The following SPRED2 variants were observed in gnomAD, a reference collection of about 807,000 sequenced individuals.
SPRED2 encodes sprouty-related, EVH1 domain-containing protein 2.
A neutral mutation model predicts 43.0 loss-of-function variants in SPRED2; 47 were observed. The ratio of observed to expected loss-of-function variants is 1.09; its 90% CI spans 0.87 to 1.40. The LOEUF is 1.40. SPRED2 is among the 40% of genes most tolerant of loss of function. The probability of loss-of-function intolerance (pLI) is 0.00; values close to 1 mark genes in which losing one functional copy is unlikely to be tolerated. For synonymous variants in SPRED2, 225 were observed against 225.7 expected (o/e 1.00, Z 0.03); for missense variants, 561 against 586.4 (o/e 0.96, Z 0.45).
intron 1 of SPRED2, among the ~76,000 whole-genome samples, chr2:65,361,800 A>C (rs992587383): frequency 6.6e-6 from 1 of 152,220 alleles, no homozygotes; most frequent in Non-Finnish European, 1.5e-5. Flanking sequence ...GCCCACCCAC[A>C]GACACTAATT....
At chr2:65,375,576 G>A (rs542507884) in intron 1 of SPRED2, among the ~76,000 whole-genome samples, 24 of 152,194 alleles carry the variant, frequency 1.6e-4, no homozygotes, top group Non-Finnish European at 2.6e-4. Context: ...TGGCTAAGAC[G>A]AAACAGTAGG....
At chr2:65,408,135 C>T (rs1558688053) in intron 1 of SPRED2, among the ~76,000 whole-genome samples, 2 of 152,172 alleles carry the variant, frequency 1.3e-5, no homozygotes, top group African/African-American at 4.8e-5. Flanking sequence ...GAGCAAGATC[C>T]TTCCCTTCTG....
At chr2:65,377,469 C>T (rs1675268605) in intron 1 of SPRED2, 6 of 403,208 alleles carry the variant, frequency 1.5e-5, no homozygotes, top group East Asian at 7.3e-5. Flanking sequence ...CTCTTGCCGA[C>T]CCCCCAAAGC....
At chr2:65,367,090 C>T (rs1049866172) in intron 1 of SPRED2, among the ~76,000 whole-genome samples, 8 of 152,306 alleles carry the variant, frequency 5.3e-5, no homozygotes, top group African/African-American at 1.9e-4. Flanking sequence ...GGATCCCTCT[C>T]TTTAAAGTTA....
chr2:65,360,112 A>AAAAAAAAAC (rs1674770133), intron 1 of SPRED2, among the ~76,000 whole-genome samples: 1 of 146,694 alleles, frequency 6.8e-6, no homozygotes, highest in African/African-American at 2.6e-5. Context: ...AAAAAAAAAA[A>AAAAAAAAAC]AACAAAGACC....
chr2:65,319,062 C>T (rs887346928), intron 4 of SPRED2, among the ~76,000 whole-genome samples: 2 of 152,178 alleles, frequency 1.3e-5, no homozygotes, highest in Non-Finnish European at 2.9e-5. Context: ...TAAAGTAGTA[C>T]ATACTTAGAA....
intron 1 of SPRED2, among the ~76,000 whole-genome samples, chr2:65,415,420 C>T (rs1005544495): frequency 3.3e-5 from 5 of 150,528 alleles, no homozygotes; most frequent in Non-Finnish European, 7.4e-5. Context: ...TAAATTCAAG[C>T]AAATACCAAT....
chr2:65,326,387 C>T (rs908743897), intron 4 of SPRED2, among the ~76,000 whole-genome samples: 5 of 152,168 alleles, frequency 3.3e-5, no homozygotes, highest in African/African-American at 1.2e-4. Context: ...AGTCGTCTGC[C>T]ATTTTGTCAA....
At chr2:65,366,565 G>C (rs1572873805) in intron 1 of SPRED2, 3 of 1,548,416 alleles carry the variant, frequency 1.9e-6, no homozygotes, top group Admixed American at 2.0e-5. Flanking sequence ...AAAAAATAAA[G>C]TTCATGTAAA....
rs80018046 is a variant in SPRED2 at position 65,333,781 on chromosome 2, T to C, written c.373+824A>G. On this transcript the variant is annotated intron_variant, in intron 3 of 5. Transcript: ENST00000356388. ...TTATAATGTTAAGTAATTTGTCTTT[T>C]AAGACTTGCTTTTTTTCCTCTTCCC... 4.5e-4 allele frequency among the ~76,000 whole-genome samples: 69 copies of C among 152,368 alleles called. 1 individual carries two copies. In the East Asian group the frequency reaches 0.012, roughly 26 times the overall value.
downstream of SPRED2, among the ~76,000 whole-genome samples, chr2:65,308,760 C>CA (rs1357186137): frequency 6.6e-5 from 10 of 152,326 alleles, no homozygotes; most frequent in African/African-American, 2.2e-4. Context: ...CTAGTAATGG[C>CA]AGAAAGGCTG....
chr2:65,325,364 C>T (rs192180046), intron 4 of SPRED2, among the ~76,000 whole-genome samples: 1 of 152,230 alleles, frequency 6.6e-6, no homozygotes, highest in African/African-American at 2.4e-5. Context: ...GCTTAAGGAG[C>T]TAGACCACAT....
At chr2:65,386,795 T>C (rs1177169334) in intron 1 of SPRED2, among the ~76,000 whole-genome samples, 1 of 152,254 alleles carries the variant, frequency 6.6e-6, no homozygotes, top group East Asian at 1.9e-4. Flanking sequence ...AAAAGCATCT[T>C]TTAAAAATAA....
chr2:65,341,471 A>G (rs1307088252), intron 2 of SPRED2, among the ~76,000 whole-genome samples: 1 of 152,114 alleles, frequency 6.6e-6, no homozygotes, highest in Non-Finnish European at 1.5e-5. Flanking sequence ...AGAGGACTGG[A>G]CTGCCCTAAT....
chr2:65,396,735 C>T (rs1675767314), intron 1 of SPRED2, among the ~76,000 whole-genome samples: 1 of 152,222 alleles, frequency 6.6e-6, no homozygotes, highest in Non-Finnish European at 1.5e-5. Flanking sequence ...CCTGTCTCCT[C>T]CAAGTGAAGC....
At chr2:65,328,819 A>G (rs1161298184) in intron 4 of SPRED2, among the ~76,000 whole-genome samples, 2 of 152,224 alleles carry the variant, frequency 1.3e-5, no homozygotes, top group Non-Finnish European at 2.9e-5. Flanking sequence ...CATTCATTAC[A>G]ACACTGGTAG....
At chr2:65,328,313 A>G (rs1176111157) in intron 4 of SPRED2, among the ~76,000 whole-genome samples, 2 of 152,200 alleles carry the variant, frequency 1.3e-5, no homozygotes, top group African/African-American at 4.8e-5. Context: ...CTTTTCTGCA[A>G]TAAAAGGAAT....
At chr2:65,332,811 T>C (rs138390328) in intron 3 of SPRED2, among the ~76,000 whole-genome samples, 2 of 152,302 alleles carry the variant, frequency 1.3e-5, no homozygotes, top group Admixed American at 1.3e-4. Context: ...ACTGCCCTAC[T>C]TCCCCCCACC....
intron 1 of SPRED2, among the ~76,000 whole-genome samples, chr2:65,403,787 G>GA (rs1675959697): frequency 6.6e-6 from 1 of 152,174 alleles, no homozygotes; most frequent in Non-Finnish European, 1.5e-5. Flanking sequence ...GCACTGGTCT[G>GA]AAAGGCCTAG....
Sources: gnomAD v4.1 joint callset for allele counts (sites outside exome capture counted in the v4.1 genomes callset) on GRCh38, gnomAD v4.1.1 for gene constraint, MANE v1.5 for transcripts, NCBI Gene and HGNC (gene_info 2026-07-23, HGNC 2026-07-21) for gene names.